Variants in NUP42 observed in about 807,000 individuals in gnomAD.
NUP42 encodes nucleoporin 42, also known as nucleoporin NUP42.
NUP42 carries 47 observed loss-of-function variants against 35.9 expected under a neutral mutation model. The observed-to-expected ratio is 1.31, with a 90% CI of 1.04 to 1.67. The LOEUF (loss-of-function observed/expected upper bound fraction) is 1.67. Among genes scored for constraint, NUP42 ranks in the 40% most tolerant of loss-of-function variants. The pLI is 0.00. For missense variants in NUP42, 514 were observed against 492.2 expected, an observed-to-expected ratio of 1.04 and a Z score of -0.42; for synonymous variants, 173 against 173.3, an observed-to-expected ratio of 1.00 and a Z score of 0.01.
At chr7:23,183,031 TTAAG>T (rs1265267600) in intron 1 of NUP42, among the ~76,000 whole-genome samples, 1 of 152,054 alleles carries the variant, frequency 6.6e-6, no homozygotes, top group African/African-American at 2.4e-5. Context: ...GGACGCCCAG[TTAAG>T]GGCTATCCGG....
Position 23,182,180 on chromosome 7 carries a change from G to GGCAGCAACCGCA in NUP42, c.102_113dup (p.Gln36_Pro39dup), listed in dbSNP as rs1419166379. 6.2e-7 allele frequency: 1 copy of GGCAGCAACCGCA among 1,613,320 alleles called. No homozygotes were observed. On this transcript the variant is annotated inframe_insertion, in exon 1 of 7. Coordinates refer to ENST00000258742, the MANE Select transcript of NUP42 (RefSeq NM_007342.3). ...GGTGCTAGGGGTGCAGGAGGAGGACGGCAGCAACCGCAGCAGCAGCCTTCA... is the reference window on the plus strand; with the variant it reads ...GGTGCTAGGGGTGCAGGAGGAGGACGGCAGCAACCGCAGCAGCAACCGCAGCAGCAGCCTTCA...
At position 23,199,553 on chromosome 7, in the gene NUP42, A is replaced by G. The variant is rs748052269; in HGVS notation, c.694+11A>G. 1.5e-5 allele frequency: 24 copies of G among 1,605,136 alleles called. No homozygotes were observed. The Admixed American group carries it at 3.8e-4, about 26-fold the overall frequency. On this transcript the variant is annotated intron_variant, in intron 6 of 6. Coordinates refer to ENST00000258742, the MANE Select transcript of NUP42 (RefSeq NM_007342.3). ...CATTTATGTCGCCAGGTAAGTGATA[A>G]AGTAATGCAGGACTTCACTGATTTA... is the stretch of plus-strand genomic sequence containing the variant.
chr7:23,184,893 C>CTACT (rs1391235861), intron 1 of NUP42, among the ~76,000 whole-genome samples, 177 bp from the exon 2 acceptor site: 1 of 152,108 alleles, frequency 6.6e-6, no homozygotes, highest in Non-Finnish European at 1.5e-5. Flanking sequence ...GTGGTCCCAG[C>CTACT]TACTCAGGAG....
chr7:23,199,248 C>T (rs560289423), intron 5 of NUP42, among the ~76,000 whole-genome samples: 6 of 152,166 alleles, frequency 3.9e-5, no homozygotes, highest in East Asian at 3.9e-4. Context: ...ATGGGGGTCT[C>T]GCTGTGTTGC....
At chr7:23,190,144 C>T (rs948886613) in intron 3 of NUP42, among the ~76,000 whole-genome samples, 2 of 152,172 alleles carry the variant, frequency 1.3e-5, no homozygotes, top group Non-Finnish European at 2.9e-5. Flanking sequence ...CTTTAAAAAA[C>T]TACCACTTGT....
intron 3 of NUP42, chr7:23,187,994 T>C (rs976812007): frequency 5.2e-6 from 5 of 955,222 alleles, no homozygotes; most frequent in Non-Finnish European, 6.1e-6. Flanking sequence ...CTCTCTCTCT[T>C]TTTTTATTTT....
intron 2 of NUP42, 64 bp downstream of exon 2, chr7:23,185,362 G>T: frequency 2.8e-6 from 3 of 1,083,258 alleles, no homozygotes; most frequent in African/African-American, 1.6e-5. Flanking sequence ...TACAATCTTT[G>T]TTGTTTCTCT....
chr7:23,197,236 T>G (rs1786045371), intron 5 of NUP42: 1 of 1,294,212 alleles, frequency 7.7e-7, no homozygotes, highest in Non-Finnish European at 1.0e-6. Flanking sequence ...CTGTGGCAAG[T>G]TCATTATCTT....
At chr7:23,197,364 C>A in intron 5 of NUP42, 7 of 447,552 alleles carry the variant, frequency 1.6e-5, no homozygotes, top group Non-Finnish European at 2.8e-5. Context: ...GGTTTCTACT[C>A]TGTATAAGGA....
At chr7:23,191,854 G>A (rs755457532) in intron 3 of NUP42, among the ~76,000 whole-genome samples, 6 of 152,106 alleles carry the variant, frequency 3.9e-5, no homozygotes, top group Non-Finnish European at 5.9e-5. Flanking sequence ...TATAGTCCCA[G>A]CTACTCAGGA....
intron 3 of NUP42, among the ~76,000 whole-genome samples, chr7:23,193,914 G>A (rs1056499132): frequency 2.6e-5 from 4 of 152,258 alleles, no homozygotes; most frequent in Admixed American, 6.5e-5. Context: ...GAAATCCAGC[G>A]CAGCGCCGGT....
At chr7:23,194,387 C>A in intron 3 of NUP42, 1 of 157,196 alleles carries the variant, frequency 6.4e-6, no homozygotes, top group Non-Finnish European at 1.4e-5. Context: ...CAGAGTTTCG[C>A]TCTTTGTTGC....
chr7:23,200,224 A>G lies in NUP42; in HGVS notation c.751A>G (p.Asn251Asp). Residue 251 changes from asparagine (N) to aspartate (D), a missense_variant, in exon 7 of 7, where the codon AAC (asparagine) becomes GAC (aspartate). Asn to Asp is a conservative substitution (Grantham distance 23). Transcript: ENST00000258742. ...DNAQNFSFKT[N>D]SGFAAASSGS... Reference sequence around the variant, plus strand: ...TGCTCAGAACTTTAGTTTTAAAACAAACTCTGGATTTGCTGCTGCCTCTTC... The same window carrying G: ...TGCTCAGAACTTTAGTTTTAAAACAGACTCTGGATTTGCTGCTGCCTCTTC... The G allele has an allele frequency of 1.2e-6, 2 of 1,604,124 alleles. No individual in the cohort carries two copies. Among genetic ancestry groups the G allele is most frequent in the African/African-American group, 2.7e-5 (2 of 74,956 alleles).
chr7:23,196,611 A>G (rs1786020424), intron 4 of NUP42, 69 bp from the exon 5 acceptor site: 1 of 1,134,920 alleles, frequency 8.8e-7, no homozygotes, highest in South Asian at 1.3e-5. Flanking sequence ...AAGTATGTGA[A>G]GTTTTTATTG....
At chr7:23,184,959 T>TC in intron 1 of NUP42, 111 bp from the exon 2 acceptor site, 1 of 852,276 alleles carries the variant, frequency 1.2e-6, no homozygotes, top group Non-Finnish European at 1.8e-6. Context: ...TGAGCCAAGA[T>TC]CATGCCACTG....
At chr7:23,199,340 C>T (rs1786125572) in intron 5 of NUP42, 118 bp from the exon 6 acceptor site, 2 of 790,500 alleles carry the variant, frequency 2.5e-6, no homozygotes, top group Non-Finnish European at 2.1e-6. Flanking sequence ...GTGTGAGCCA[C>T]CACACCCAGC....
intron 3 of NUP42, among the ~76,000 whole-genome samples, chr7:23,190,394 A>AT (rs1185426791): frequency 3.3e-5 from 5 of 152,164 alleles, no homozygotes; most frequent in Admixed American, 6.5e-5. Flanking sequence ...CTAAATTTTC[A>AT]TTTTTTGTTT....
At chr7:23,189,162 A>C (rs1377685155) in intron 3 of NUP42, among the ~76,000 whole-genome samples, 1 of 152,226 alleles carries the variant, frequency 6.6e-6, no homozygotes, top group Non-Finnish European at 1.5e-5. Flanking sequence ...AGGAATGACA[A>C]CTATGGTTAT....
intron 3 of NUP42, among the ~76,000 whole-genome samples, chr7:23,191,142 G>A (rs559827468): frequency 5.3e-5 from 8 of 152,342 alleles, no homozygotes; most frequent in African/African-American, 1.9e-4. Context: ...ATTACTGGAG[G>A]AGAGTAAACA....
Sources: gnomAD v4.1 joint callset for allele counts (sites outside exome capture counted in the v4.1 genomes callset) on GRCh38, gnomAD v4.1.1 for gene constraint, MANE v1.5 for transcripts, NCBI Gene and HGNC (gene_info 2026-07-23, HGNC 2026-07-21) for gene names.